Variants in ADAM22 observed in about 807,000 individuals in gnomAD.
The protein encoded by ADAM22 is disintegrin and metalloproteinase domain-containing protein 22.
ADAM22 carries 65 observed loss-of-function variants against 144.6 expected under a neutral mutation model. The observed-to-expected ratio is 0.45, with a 90% CI of 0.37 to 0.55. ADAM22 has a LOEUF of 0.55. Among genes scored for constraint, ADAM22 ranks in the 20% least tolerant of loss-of-function variants. ADAM22 has a pLI of 0.00. For missense variants in ADAM22, 974 were observed against 1,184.9 expected, an observed-to-expected ratio of 0.82 and a Z score of 2.61; for synonymous variants, 391 against 412.6, an observed-to-expected ratio of 0.95 and a Z score of 0.63.
At position 88,128,611 on chromosome 7, in the gene ADAM22, T is replaced by C; in HGVS notation, c.688T>C (p.Tyr230His). Residue 230 changes from tyrosine (Y) to histidine (H), a missense_variant, in exon 9 of 32, where the codon TAT becomes CAT. Physicochemically the swap from Tyr to His is moderately conservative, Grantham distance 83 (BLOSUM62 2). Coordinates refer to ENST00000413139, the MANE Select transcript of ADAM22 (RefSeq NM_001324418.2). ...CTTTCCTGTGTTACAGCTTCGTCGA[T>C]ATCCTCGTAATGTAGAAGAAGAAAC... Reference protein sequence around the residue: ...PKRSKRQLRRYPRNVEEETKY... With the variant: ...PKRSKRQLRRHPRNVEEETKY... The C allele has an allele frequency of 1.9e-6, 3 of 1,611,646 alleles. No homozygotes were observed. The highest frequency in any genetic ancestry group is 2.5e-6 in the Non-Finnish European group (3 of 1,178,042).
intron 2 of ADAM22, among the ~76,000 whole-genome samples, chr7:87,957,511 C>G (rs2129444610): frequency 6.6e-6 from 1 of 152,218 alleles, no homozygotes; most frequent in Non-Finnish European, 1.5e-5. Context: ...CTTCTGTTTT[C>G]CCCTTCCTTC....
chr7:88,017,151 T>TA (rs1189370312), intron 3 of ADAM22, among the ~76,000 whole-genome samples: 1 of 151,978 alleles, frequency 6.6e-6, no homozygotes, highest in South Asian at 2.1e-4. Context: ...AAATTAAAAA[T>TA]AAAAAAATAC....
At chr7:87,977,337 T>A (rs1852145588) in intron 2 of ADAM22, among the ~76,000 whole-genome samples, 1 of 152,232 alleles carries the variant, frequency 6.6e-6, no homozygotes, top group Non-Finnish European at 1.5e-5. Flanking sequence ...CACAGAATCC[T>A]AAGATGTCCG....
In ADAM22 at chr7:88,145,501, G is replaced by T. The variant is rs764534212; in HGVS notation, c.1479G>T (p.Lys493Asn). Reference protein sequence around the residue: ...SQCSDGLCCKKCKFQPMGTVC... With the variant: ...SQCSDGLCCKNCKFQPMGTVC... ...GCAGTGACGGTCTTTGCTGTAAAAA[G>T]TGCAAGGTAAATAAACATTAATGAC... Residue 493 changes from lysine to asparagine, a missense_variant, in exon 17 of 32, where the codon AAG becomes AAT. Coordinates refer to ENST00000413139, the MANE Select transcript of ADAM22 (RefSeq NM_001324418.2). 6.2e-7 allele frequency: 1 copy of T among 1,612,908 alleles called. No individual in the cohort carries two copies. Among genetic ancestry groups the T allele is most frequent in the Non-Finnish European group, 8.5e-7 (1 of 1,179,246 alleles).
chr7:88,034,724 C>G (rs1801094524), intron 3 of ADAM22, among the ~76,000 whole-genome samples: 1 of 152,118 alleles, frequency 6.6e-6, no homozygotes, highest in Non-Finnish European at 1.5e-5. Flanking sequence ...CTAGGATGGT[C>G]GATTCCCCTT....
chr7:88,080,214 A>G (rs954331619), intron 4 of ADAM22, among the ~76,000 whole-genome samples: 5 of 152,194 alleles, frequency 3.3e-5, no homozygotes, highest in Non-Finnish European at 5.9e-5. Context: ...GCTCAACTAC[A>G]TGGAAACTGA....
chr7:88,132,838 TA>T, intron 11 of ADAM22, 28 bp from the exon 12 acceptor site: 1 of 1,592,586 alleles, frequency 6.3e-7, no homozygotes, highest in Non-Finnish European at 8.6e-7. Context: ...CTGTGAACAG[TA>T]AGCATTTTTC....
intron 8 of ADAM22, among the ~76,000 whole-genome samples, chr7:88,128,267 G>A (rs1830922197): frequency 6.6e-6 from 1 of 151,990 alleles, no homozygotes; most frequent in Non-Finnish European, 1.5e-5. Context: ...CAAAATAAAG[G>A]ACATATTCAC....
At chr7:88,138,692 A>G (rs1344107770) in intron 14 of ADAM22, among the ~76,000 whole-genome samples, 3 of 152,236 alleles carry the variant, frequency 2.0e-5, no homozygotes, top group Non-Finnish European at 4.4e-5. Flanking sequence ...TCTGTGAAAC[A>G]GAAGTTGTGG....
rs1844826220 is a variant in ADAM22 at position 87,950,644 on chromosome 7, G to A, written c.246+15458G>A. ...AGCAGCATGATTTATAGTCCTTTGG[G>A]TATATACCCAGTAATGGGATGGCTG... On this transcript the variant is annotated intron_variant, in intron 2 of 31. Coordinates refer to ENST00000413139, the MANE Select transcript of ADAM22 (RefSeq NM_001324418.2). 2.0e-5 allele frequency among the ~76,000 whole-genome samples: 3 copies of A among 147,316 alleles called. No individual in the cohort carries two copies. The South Asian group carries it at 6.5e-4, about 32-fold the overall frequency.
At chr7:87,998,225 CT>C (rs752759614) in intron 3 of ADAM22, among the ~76,000 whole-genome samples, 3 of 152,126 alleles carry the variant, frequency 2.0e-5, no homozygotes, top group Non-Finnish European at 2.9e-5. Flanking sequence ...GGGTCTGCCT[CT>C]CCCGGTCCAC....
chr7:88,051,707 TAAAAA>T (rs953045100), intron 3 of ADAM22, among the ~76,000 whole-genome samples: 1 of 144,764 alleles, frequency 6.9e-6, no homozygotes, highest in Non-Finnish European at 1.5e-5. Flanking sequence ...TAATAATAAA[TAAAAA>T]AAAAAAGAAT....
intron 2 of ADAM22, among the ~76,000 whole-genome samples, chr7:87,971,618 G>A (rs1850460254): frequency 6.6e-6 from 1 of 152,108 alleles, no homozygotes. Context: ...TCTGTGAGGG[G>A]TATTACTACT....
Position 88,202,269 on chromosome 7 carries a change from G to A in ADAM22, c.*5778G>A, listed in dbSNP as rs932656096. The A allele has an allele frequency of 3.3e-5, 5 of 152,036 alleles. No individual in the cohort carries two copies. The highest frequency in any genetic ancestry group is 1.2e-4 in the African/African-American group (5 of 41,372). 9.4% of individuals were successfully genotyped at this position (152,036 alleles called of 1,614,324 possible). Reference sequence around the variant, plus strand: ...ACTGCTTTAAAAAAAGGCTTATTCAGGATAGATAAGCATGTACTCCTTTTT... The same window carrying A: ...ACTGCTTTAAAAAAAGGCTTATTCAAGATAGATAAGCATGTACTCCTTTTT... On this transcript the variant is annotated 3_prime_UTR_variant, in exon 32 of 32. Coordinates refer to ENST00000413139, the MANE Select transcript of ADAM22 (RefSeq NM_001324418.2).
chr7:88,072,396 T>A (rs138587626), intron 3 of ADAM22, among the ~76,000 whole-genome samples: 1 of 152,144 alleles, frequency 6.6e-6, no homozygotes, highest in Admixed American at 6.6e-5. Context: ...ATTTTATTAT[T>A]ATTATTATTA....
intron 3 of ADAM22, among the ~76,000 whole-genome samples, chr7:88,039,464 A>AAAAAAAAAT: frequency 1.7e-4 from 13 of 76,376 alleles, no homozygotes; most frequent in African/African-American, 6.2e-4. Flanking sequence ...AAAAAAAAAA[A>AAAAAAAAAT]ATATATATAT....
At chr7:88,125,555 G>A (rs1830217205) in intron 7 of ADAM22, 34 bp from the exon 8 acceptor site, 4 of 1,496,736 alleles carry the variant, frequency 2.7e-6, no homozygotes, top group Non-Finnish European at 3.7e-6. Flanking sequence ...TCTGACAAAT[G>A]CACTAAGTTA....
In ADAM22 at chr7:87,999,226, T is replaced by G. The variant is rs112647512; in HGVS notation, c.323+20814T>G. On this transcript the variant is annotated intron_variant, in intron 3 of 31. Coordinates refer to ENST00000413139, the MANE Select transcript of ADAM22 (RefSeq NM_001324418.2). ...GGAGACAGACTCATTATTTTAAAGA[T>G]TCAGAAAAAGGTATCAATGTTACAG... Among the ~76,000 whole-genome samples, 1,063 of 152,288 alleles carry G rather than the reference T, an allele frequency of 7.0e-3. 6 individuals are homozygous for G. The highest frequency in any genetic ancestry group is 0.024 in the African/African-American group (1,016 of 41,558).
At chr7:88,019,917 T>TA (rs1797409959) in intron 3 of ADAM22, among the ~76,000 whole-genome samples, 1 of 149,840 alleles carries the variant, frequency 6.7e-6, no homozygotes, top group Admixed American at 6.7e-5. Context: ...ATGTATTTCT[T>TA]AAAAATAAAA....
Sources: gnomAD v4.1 joint callset for allele counts (sites outside exome capture counted in the v4.1 genomes callset) on GRCh38, gnomAD v4.1.1 for gene constraint, MANE v1.5 for transcripts, NCBI Gene and HGNC (gene_info 2026-07-23, HGNC 2026-07-21) for gene names.